Variants in APLF observed in about 807,000 individuals in gnomAD.
APLF encodes the protein aprataxin and PNKP like factor, also known as aprataxin and PNK-like factor.
A neutral mutation model predicts 55.6 loss-of-function variants in APLF; 61 were observed. The ratio of observed to expected loss-of-function variants is 1.10; its 90% CI spans 0.89 to 1.36. The LOEUF is 1.36. Ranked by LOEUF, APLF falls within the 40% of genes most tolerant of loss-of-function variation. The pLI, the probability that APLF is intolerant of heterozygous loss-of-function variation, is 0.00. For missense variants in APLF, 611 were observed against 602.5 expected, an observed-to-expected ratio of 1.01 and a Z score of -0.15; for synonymous variants, 207 against 214.8, an observed-to-expected ratio of 0.96 and a Z score of 0.32.
At chr2:68,568,326 A>G (rs1671362619) in intron 9 of APLF, 6 of 984,698 alleles carry the variant, frequency 6.1e-6, no homozygotes, top group Non-Finnish European at 7.2e-6. Flanking sequence ...TTATATGTGC[A>G]TACAAACAGC....
intron 7 of APLF, among the ~76,000 whole-genome samples, chr2:68,541,579 A>G (rs1479249742): frequency 1.3e-5 from 2 of 152,118 alleles, no homozygotes; most frequent in Non-Finnish European, 2.9e-5. Context: ...AATACTACAG[A>G]TCAGTGGTTG....
rs149184095 is a variant in APLF at position 68,526,228 on chromosome 2, A to C, written c.790A>C (p.Thr264Pro). The C allele has an allele frequency of 1.9e-6, 3 of 1,602,952 alleles. No homozygotes were observed. In the African/African-American group the frequency reaches 4.0e-5, roughly 22 times the overall value. The change falls in exon 6 of 10, where the codon ACC (threonine) becomes CCC (proline). Residue 264 changes from threonine to proline, a missense_variant. Coordinates refer to ENST00000303795, the MANE Select transcript of APLF (RefSeq NM_173545.3). ...ECKNTDQEES[T>P]ISSKEMPQSF... ...CAAAAATACTGATCAGGAAGAGTCT[A>C]CCATTTCATCCAAGGTGATTTTAAA...
intron 8 of APLF, among the ~76,000 whole-genome samples, chr2:68,559,604 C>T (rs1287650745): frequency 6.6e-6 from 1 of 152,026 alleles, no homozygotes; most frequent in Non-Finnish European, 1.5e-5. Context: ...CTTCTCTTTC[C>T]TTCACATCAT....
At chr2:68,574,032 G>T (rs1671555067) in intron 9 of APLF, among the ~76,000 whole-genome samples, 1 of 148,410 alleles carries the variant, frequency 6.7e-6, no homozygotes. Flanking sequence ...ATAGAGAAAA[G>T]ACTTATTTCT....
At chr2:68,480,907 C>G (rs1389759322) in intron 1 of APLF, among the ~76,000 whole-genome samples, 1 of 152,088 alleles carries the variant, frequency 6.6e-6, no homozygotes, top group East Asian at 1.9e-4. Flanking sequence ...TGTGATATAT[C>G]ACATTTATTG....
intron 1 of APLF, among the ~76,000 whole-genome samples, chr2:68,487,218 G>A (rs1676212091): frequency 6.6e-6 from 1 of 152,094 alleles, no homozygotes; most frequent in South Asian, 2.1e-4. Flanking sequence ...TGTCTATTTG[G>A]TTATTAAATA....
chr2:68,522,732 A>G (rs1481733053), intron 5 of APLF, among the ~76,000 whole-genome samples: 2 of 151,926 alleles, frequency 1.3e-5, no homozygotes, highest in Admixed American at 6.6e-5. Flanking sequence ...TTATAAACAC[A>G]TATCAGTTCA....
chr2:68,518,313 T>TTAATAATATATAATATATTAA (rs1669713550), intron 5 of APLF, among the ~76,000 whole-genome samples: 1 of 113,484 alleles, frequency 8.8e-6, no homozygotes, highest in African/African-American at 3.6e-5. Flanking sequence ...TATATATTAT[T>TTAATAATATATAATATATTAA]TAATAATATA....
At chr2:68,552,851 A>C (rs1307483161) in intron 8 of APLF, among the ~76,000 whole-genome samples, 1 of 152,032 alleles carries the variant, frequency 6.6e-6, no homozygotes, top group Non-Finnish European at 1.5e-5. Context: ...ATACGTATAG[A>C]TATGGTGCTT....
intron 1 of APLF, among the ~76,000 whole-genome samples, chr2:68,483,204 A>C (rs1676019122): frequency 1.3e-5 from 2 of 152,110 alleles, no homozygotes; most frequent in African/African-American, 4.8e-5. Context: ...GCATAACACG[A>C]GCTCCTACTG....
rs138225642 is a variant in APLF at position 68,534,869 on chromosome 2, A to T, written c.805-3003A>T. Among the ~76,000 whole-genome samples, 344 of 152,282 alleles carry T rather than the reference A, an allele frequency of 2.3e-3. 1 individual carries two copies. Among genetic ancestry groups the T allele is most frequent in the African/African-American group, 7.8e-3 (323 of 41,550 alleles). On this transcript the variant is annotated intron_variant, in intron 6 of 9. Coordinates refer to ENST00000303795, the MANE Select transcript of APLF (RefSeq NM_173545.3). ...CTTACTCTAGCTCCTGAGCTTTTTA[A>T]TTGGCACAGTGCAAATTTATGTCTC...
intron 8 of APLF, among the ~76,000 whole-genome samples, chr2:68,558,802 G>A (rs10200953): frequency 5.3e-5 from 8 of 151,740 alleles, no homozygotes; most frequent in Non-Finnish European, 8.8e-5. Flanking sequence ...CCTACGCCCC[G>A]ACCACTCACC....
In APLF at chr2:68,481,940, G is replaced by C. The variant is rs77299000; in HGVS notation, c.97-8250G>C. ...TTCCTCAGCTGTAAGATTTCTGTTT[G>C]GTTATTTTTTATGATGTTTCTCTCT... On this transcript the variant is annotated intron_variant, in intron 1 of 9. Coordinates refer to ENST00000303795, the MANE Select transcript of APLF (RefSeq NM_173545.3). 2.6e-5 allele frequency among the ~76,000 whole-genome samples: 4 copies of C among 151,366 alleles called. No individual in the cohort carries two copies. The East Asian group carries it at 7.8e-4, about 29-fold the overall frequency.
intron 6 of APLF, among the ~76,000 whole-genome samples, chr2:68,530,066 T>A (rs1176069120): frequency 6.6e-6 from 1 of 152,198 alleles, no homozygotes; most frequent in Non-Finnish European, 1.5e-5. Flanking sequence ...ATGCACCTCT[T>A]ACCACATGCC....
intron 8 of APLF, among the ~76,000 whole-genome samples, chr2:68,564,344 T>A (rs1053327256): frequency 1.3e-5 from 2 of 152,134 alleles, no homozygotes; most frequent in Non-Finnish European, 2.9e-5. Flanking sequence ...TATAGAATCT[T>A]TTTTCCAGTT....
chr2:68,498,595 TGAG>T (rs1262060393), intron 2 of APLF, among the ~76,000 whole-genome samples: 4 of 152,212 alleles, frequency 2.6e-5, no homozygotes, highest in African/African-American at 9.7e-5. Context: ...TGCTAGCTCA[TGAG>T]GAGATGATGT....
chr2:68,497,878 A>T (rs1272240831), intron 2 of APLF, among the ~76,000 whole-genome samples: 2 of 152,222 alleles, frequency 1.3e-5, no homozygotes, highest in African/African-American at 2.4e-5. Context: ...AGAAAAAAAT[A>T]AAAAATCCAG....
chr2:68,544,616 A>G (rs1670649091), intron 7 of APLF, among the ~76,000 whole-genome samples: 1 of 152,186 alleles, frequency 6.6e-6, no homozygotes, highest in Non-Finnish European at 1.5e-5. Context: ...CTAATAGGGT[A>G]AATATCCTAT....
At chr2:68,517,294 ATG>A (rs1326360712) in intron 5 of APLF, among the ~76,000 whole-genome samples, 1 of 121,914 alleles carries the variant, frequency 8.2e-6, no homozygotes, top group Non-Finnish European at 1.6e-5. Context: ...ATATTAATAT[ATG>A]TCATTACTAT....
Sources: allele counts gnomAD v4.1 joint callset (sites outside exome capture counted in the v4.1 genomes callset), GRCh38; gene constraint gnomAD v4.1.1; transcripts MANE v1.5; gene names NCBI Gene and HGNC (gene_info 2026-07-23, HGNC 2026-07-21).